PPP3CA: variants seen among roughly 807,000 people sequenced by gnomAD.
The protein encoded by PPP3CA is protein phosphatase 3 catalytic subunit alpha, also known as CAM-PRP catalytic subunit.
In PPP3CA, 14 loss-of-function variants were observed where a neutral mutation model predicts 66.5. The ratio of observed to expected loss-of-function variants is 0.21; its 90% CI spans 0.14 to 0.33. The LOEUF is 0.33. Among genes scored for constraint, PPP3CA ranks in the 10% least tolerant of loss-of-function variants. The probability of loss-of-function intolerance (pLI) is 1.00; values close to 1 mark genes in which losing one functional copy is unlikely to be tolerated. For synonymous variants in PPP3CA, 232 were observed against 226.2 expected, an observed-to-expected ratio of 1.03 and a Z score of -0.23; for missense variants, 317 against 639.5, an observed-to-expected ratio of 0.50 and a Z score of 5.44.
chr4:101,168,618 A>G (rs10030389), intron 2 of PPP3CA, among the ~76,000 whole-genome samples: 74,440 of 152,008 alleles, frequency 0.49, 19,584 homozygotes, highest in Middle Eastern at 0.63. Context: ...GCAGGTGAGC[A>G]TGGTATCCTG....
At chr4:101,108,920 A>G in intron 3 of PPP3CA, 34 bp downstream of exon 3, 1 of 1,601,760 alleles carries the variant, frequency 6.2e-7, no homozygotes, top group Non-Finnish European at 8.5e-7. Context: ...TTAATCCATA[A>G]CTGAACAGCA....
At chr4:101,048,209 C>T (rs1727852059) in intron 10 of PPP3CA, among the ~76,000 whole-genome samples, 1 of 152,078 alleles carries the variant, frequency 6.6e-6, no homozygotes, top group Non-Finnish European at 1.5e-5. Flanking sequence ...TGCGATAAGG[C>T]CTCCAGCCAA....
At chr4:101,076,779 G>A (rs28380231) in intron 8 of PPP3CA, among the ~76,000 whole-genome samples, 11,938 of 152,274 alleles carry the variant, frequency 0.078, 596 homozygotes, top group Non-Finnish European at 0.11. Flanking sequence ...GCGAGCTTCT[G>A]TGAAGCTTTG....
At chr4:101,289,863 T>C (rs1184779699) in intron 1 of PPP3CA, among the ~76,000 whole-genome samples, 1 of 137,796 alleles carries the variant, frequency 7.3e-6, no homozygotes, top group African/African-American at 2.9e-5. Context: ...TCCCAAAATG[T>C]CCGTGTATGT....
chr4:101,343,889 T>C (rs775392984), intron 1 of PPP3CA, among the ~76,000 whole-genome samples: 35 of 152,130 alleles, frequency 2.3e-4, no homozygotes, highest in Admixed American at 5.2e-4. Flanking sequence ...CACAAGCACA[T>C]CTTTATTTGT....
intron 12 of PPP3CA, among the ~76,000 whole-genome samples, chr4:101,030,679 G>A (rs959224869): frequency 6.6e-6 from 1 of 152,132 alleles, no homozygotes; most frequent in Non-Finnish European, 1.5e-5. Flanking sequence ...AGTAACGTAA[G>A]TTTAAAAGTA....
chr4:101,187,566 C>T (rs1296758416), intron 2 of PPP3CA, among the ~76,000 whole-genome samples: 1 of 152,082 alleles, frequency 6.6e-6, no homozygotes, highest in Non-Finnish European at 1.5e-5. Flanking sequence ...GAAGGCAAAG[C>T]AGTGGTTGAG....
At chr4:101,043,117 C>A (rs751158984) in intron 10 of PPP3CA, among the ~76,000 whole-genome samples, 2 of 151,834 alleles carry the variant, frequency 1.3e-5, no homozygotes, top group Non-Finnish European at 2.9e-5. Flanking sequence ...AGAAGCACAA[C>A]AAGAAAAGCA....
In PPP3CA at chr4:101,200,602, C is replaced by T. The variant is rs184761860; in HGVS notation, c.59-4486G>A. On this transcript the variant is annotated intron_variant, in intron 1 of 13. Transcript: ENST00000394854. Reference sequence around the variant, plus strand: ...GATCTTTTGAGCCTATATTTTCCTCCTTTTTTTCCCCCCTCAAACAAAATT... The same window carrying T: ...GATCTTTTGAGCCTATATTTTCCTCTTTTTTTTCCCCCCTCAAACAAAATT... 9.4e-4 allele frequency among the ~76,000 whole-genome samples: 143 copies of T among 152,154 alleles called. 4 individuals are homozygous for T. The East Asian group carries it at 0.026, about 28-fold the overall frequency.
intron 1 of PPP3CA, among the ~76,000 whole-genome samples, chr4:101,205,405 C>T (rs1316421449): frequency 6.6e-6 from 1 of 152,072 alleles, no homozygotes; most frequent in African/African-American, 2.4e-5. Context: ...ACTCAACAGC[C>T]TAAGTAAGAC....
At chr4:101,137,281 T>A (rs1722652795) in intron 2 of PPP3CA, among the ~76,000 whole-genome samples, 1 of 152,096 alleles carries the variant, frequency 6.6e-6, no homozygotes, top group African/African-American at 2.4e-5. Context: ...AAACCTAGGA[T>A]TATTTCATCC....
intron 1 of PPP3CA, among the ~76,000 whole-genome samples, chr4:101,285,047 C>T (rs754062492): frequency 6.6e-6 from 1 of 151,766 alleles, no homozygotes; most frequent in Non-Finnish European, 1.5e-5. Context: ...GCAAGAAAAC[C>T]ACACAAACAC....
At chr4:101,153,883 TAC>T (rs1436376421) in intron 2 of PPP3CA, among the ~76,000 whole-genome samples, 3 of 152,052 alleles carry the variant, frequency 2.0e-5, no homozygotes, top group Admixed American at 1.3e-4. Context: ...TCATTTTTAA[TAC>T]AATACATTTG....
intron 1 of PPP3CA, among the ~76,000 whole-genome samples, chr4:101,240,066 G>A (rs1726257615): frequency 6.6e-6 from 1 of 150,942 alleles, no homozygotes; most frequent in Admixed American, 6.6e-5. Context: ...AGGTGAGGTA[G>A]ATAGTTACTG....
At chr4:101,299,561 C>T (rs1036581406) in intron 1 of PPP3CA, among the ~76,000 whole-genome samples, 1 of 151,942 alleles carries the variant, frequency 6.6e-6, no homozygotes, top group Non-Finnish European at 1.5e-5. Context: ...GGGTCTGTCA[C>T]TAACTGAATC....
At chr4:101,106,480 GAAAAGAAAAGAAAAGA>G in intron 3 of PPP3CA, among the ~76,000 whole-genome samples, 2 of 48,960 alleles carry the variant, frequency 4.1e-5, no homozygotes, top group African/African-American at 1.4e-4. Context: ...GAAAAGAAAA[GAAAAGAAAAGAAAAGA>G]AAAGAAAGAA....
chr4:101,298,526 C>T (rs187441945), intron 1 of PPP3CA, among the ~76,000 whole-genome samples: 1 of 152,170 alleles, frequency 6.6e-6, no homozygotes, highest in East Asian at 1.9e-4. Context: ...CCTCTTCCTC[C>T]TCAGCCTACT....
chr4:101,261,997 C>A (rs774235775), intron 1 of PPP3CA, among the ~76,000 whole-genome samples: 3 of 151,900 alleles, frequency 2.0e-5, no homozygotes, highest in Non-Finnish European at 4.4e-5. Context: ...GCTTATTAAC[C>A]TTCCTATACA....
chr4:101,029,616 C>A (rs1421831119), intron 12 of PPP3CA, among the ~76,000 whole-genome samples: 4 of 151,268 alleles, frequency 2.6e-5, no homozygotes, highest in Non-Finnish European at 5.9e-5. Context: ...AAATGCCAGA[C>A]AAAATGGCAG....
Sources: allele counts gnomAD v4.1 joint callset (sites outside exome capture counted in the v4.1 genomes callset), GRCh38; gene constraint gnomAD v4.1.1; transcripts MANE v1.5; gene names NCBI Gene and HGNC (gene_info 2026-07-23, HGNC 2026-07-21).